MNS1: variants seen among roughly 807,000 people sequenced by gnomAD.
The protein encoded by MNS1 is meiosis-specific nuclear structural protein 1.
In MNS1, 63 loss-of-function variants were observed where a neutral mutation model predicts 72.0. That is an observed-to-expected ratio of 0.87 (90% CI 0.71 to 1.08). The LOEUF (loss-of-function observed/expected upper bound fraction) is 1.08. Among genes scored for constraint, MNS1 ranks in the 50% least tolerant of loss-of-function variants. MNS1 has a pLI of 0.00. For missense variants in MNS1, 604 were observed against 562.4 expected (o/e 1.07, Z -0.75); for synonymous variants, 188 against 172.1 (o/e 1.09, Z -0.72).
At chr15:56,462,940 A>G (rs2051032559) in intron 2 of MNS1, among the ~76,000 whole-genome samples, 1 of 152,032 alleles carries the variant, frequency 6.6e-6, no homozygotes. Flanking sequence ...AACCCCTAAG[A>G]TGTGCTTTCT....
rs138771225 is a variant in MNS1 at position 56,464,838 on chromosome 15, C to G, written c.3+132G>C. ...CCCTTCTAATAGCACCTGAAGCCTC[C>G]GAAAGCAAATACAAGTTCCCCAATT... On this transcript the variant is annotated intron_variant, in intron 1 of 9. Coordinates refer to ENST00000260453, the MANE Select transcript of MNS1 (RefSeq NM_018365.4). 178 of 1,349,162 alleles carry G rather than the reference C, an allele frequency of 1.3e-4. No individual in the cohort carries two copies. The African/African-American group carries it at 1.4e-3, about 11-fold the overall frequency. The allele number at this position is 1,349,162 out of a possible 1,614,324, so 83.6% of individuals were successfully genotyped here.
chr15:56,459,696 A>C (rs1386959957), intron 2 of MNS1, among the ~76,000 whole-genome samples: 2 of 152,030 alleles, frequency 1.3e-5, no homozygotes, highest in African/African-American at 4.8e-5. Flanking sequence ...AGAAGAAACA[A>C]TGACTGGCTG....
Position 56,444,524 on chromosome 15 carries a change from CTT to C in MNS1, c.604_605del (p.Lys202AlafsTer5). 2 of 1,511,574 alleles carry C rather than the reference CTT, an allele frequency of 1.3e-6. No individual in the cohort carries two copies. The highest frequency in any genetic ancestry group is 9.0e-7 in the Non-Finnish European group (1 of 1,105,128). 93.6% of individuals were successfully genotyped at this position (1,511,574 alleles called of 1,614,324 possible). On this transcript the variant is annotated frameshift_variant, in exon 5 of 10. Coordinates refer to ENST00000260453, the MANE Select transcript of MNS1 (RefSeq NM_018365.4). LOFTEE classifies it high-confidence loss of function. Reference protein sequence around the residue: ...EKQLEEQEKKKQEAYEQLLKE... With the variant: ...EKQLEEQEKKXQEAYEQLLKE... ...TTAGCAGCTGCTCATAAGCTTCCTG[CTT>C]TTTTTTTTCTTGTTCTTCAAGTTGT...
At chr15:56,433,175 G>A (rs12910210) in intron 8 of MNS1, among the ~76,000 whole-genome samples, 6 of 147,690 alleles carry the variant, frequency 4.1e-5, no homozygotes, top group African/African-American at 1.5e-4. Flanking sequence ...CTTTCCTTAG[G>A]ATGTCACCCA....
chr15:56,464,690 A>C (rs184702380), intron 1 of MNS1, among the ~76,000 whole-genome samples: 1 of 152,180 alleles, frequency 6.6e-6, no homozygotes, highest in Non-Finnish European at 1.5e-5. Flanking sequence ...CTATTTATCA[A>C]TTCGCTTTCT....
At position 56,464,690 on chromosome 15, in the gene MNS1, A is replaced by G. The variant is rs184702380; in HGVS notation, c.3+280T>C. Among the ~76,000 whole-genome samples the G allele has an allele frequency of 1.1e-3, 168 of 152,298 alleles. 1 individual carries two copies. The highest frequency in any genetic ancestry group is 1.7e-3 in the Non-Finnish European group (113 of 68,030). ...TAGGTCAATTCGCCGCTATTTATCA[A>G]TTCGCTTTCTCCTACACTTTTATAT... On this transcript the variant is annotated intron_variant, in intron 1 of 9. Coordinates refer to ENST00000260453, the MANE Select transcript of MNS1 (RefSeq NM_018365.4).
chr15:56,463,930 G>C lies in MNS1; in HGVS notation c.225+96C>G, dbSNP rs1422196103. ...AATCAGGCATCACTTACCTGCTGCT[G>C]TTGTTTATCTACTCATTTCCAGCAT... is the stretch of plus-strand genomic sequence containing the variant. On this transcript the variant is annotated intron_variant, in intron 2 of 9. Coordinates refer to ENST00000260453, the MANE Select transcript of MNS1 (RefSeq NM_018365.4). 5.1e-6 allele frequency: 5 copies of C among 983,670 alleles called. No homozygotes were observed. The African/African-American group carries it at 8.2e-5, about 16-fold the overall frequency. The allele number at this position is 983,670 out of a possible 1,614,324, so 60.9% of individuals were successfully genotyped here.
chr15:56,442,824 A>G (rs2050841598), intron 7 of MNS1, among the ~76,000 whole-genome samples: 1 of 152,118 alleles, frequency 6.6e-6, no homozygotes, highest in South Asian at 2.1e-4. Context: ...ATGTTACACC[A>G]AATCCCCATG....
intron 9 of MNS1, among the ~76,000 whole-genome samples, chr15:56,430,831 G>T (rs2050570150): frequency 6.6e-6 from 1 of 152,114 alleles, no homozygotes; most frequent in South Asian, 2.1e-4. Context: ...TTGTTCTAGG[G>T]TAGCTTTAGA....
intron 3 of MNS1, among the ~76,000 whole-genome samples, chr15:56,455,352 C>G (rs910209963): frequency 2.0e-5 from 3 of 148,010 alleles, no homozygotes; most frequent in Non-Finnish European, 4.5e-5. Context: ...CAGATTTTAA[C>G]AGTAATTCTA....
chr15:56,458,929 G>C (rs1348249978), intron 2 of MNS1, among the ~76,000 whole-genome samples: 1 of 152,042 alleles, frequency 6.6e-6, no homozygotes, highest in Non-Finnish European at 1.5e-5. Flanking sequence ...TTGTGCTATG[G>C]CAGCTATAAA....
intron 7 of MNS1, among the ~76,000 whole-genome samples, chr15:56,434,817 T>C (rs1248061458): frequency 6.6e-6 from 1 of 152,056 alleles, no homozygotes; most frequent in African/African-American, 2.4e-5. Flanking sequence ...CTCCTCAAAA[T>C]CAAAGCTGCA....
intron 7 of MNS1, among the ~76,000 whole-genome samples, chr15:56,442,392 A>G (rs1020606127): frequency 6.6e-6 from 1 of 152,230 alleles, no homozygotes; most frequent in African/African-American, 2.4e-5. Flanking sequence ...TGCTGGGTAT[A>G]TACCCAAAGG....
At chr15:56,461,427 G>A (rs566342823) in intron 2 of MNS1, among the ~76,000 whole-genome samples, 1 of 152,062 alleles carries the variant, frequency 6.6e-6, no homozygotes, top group African/African-American at 2.4e-5. Flanking sequence ...TTGGGAGGCC[G>A]AGGCAGGCAG....
At chr15:56,464,822 T>C in intron 1 of MNS1, 148 bp downstream of exon 1, 1 of 1,121,866 alleles carries the variant, frequency 8.9e-7, no homozygotes, top group Non-Finnish European at 1.3e-6. Context: ...TCCCTTCTAA[T>C]AGCACCTGAA....
At chr15:56,453,502 T>G (rs2050961676) in intron 3 of MNS1, among the ~76,000 whole-genome samples, 1 of 152,168 alleles carries the variant, frequency 6.6e-6, no homozygotes, top group Non-Finnish European at 1.5e-5. Context: ...ATGGTAATAG[T>G]ATTAAGAAGG....
At position 56,434,288 on chromosome 15, in the gene MNS1, C is replaced by G; in HGVS notation, c.1119G>C (p.Glu373Asp). 1 of 1,613,890 alleles carries G rather than the reference C, an allele frequency of 6.2e-7. No homozygotes were observed. Among genetic ancestry groups the G allele is most frequent in the Non-Finnish European group, 8.5e-7 (1 of 1,179,912 alleles). ...LVLQAAKEEE[E>D]NFRKTMLAKF... ...TAGCTAGCATAGTTTTTCTAAAGTTCTCCTCTTCCTCTTTTGCAGCCTGTA... is the reference window on the plus strand; with the variant it reads ...TAGCTAGCATAGTTTTTCTAAAGTTGTCCTCTTCCTCTTTTGCAGCCTGTA... The change falls in exon 8 of 10, where the codon GAG (glutamate) becomes GAC (aspartate). Residue 373 changes from glutamate (E) to aspartate (D), a missense_variant. By Grantham distance (45) the Glu-to-Asp change is conservative (BLOSUM62 2). Transcript: ENST00000260453.
Position 56,428,973 on chromosome 15 carries a change from T to C in MNS1, c.*128A>G. Reference sequence around the variant, plus strand: ...TGATAATTGTTTACAAGTTATGAAATTCAGTGATGATTTACAAAATCCAAA... The same window carrying C: ...TGATAATTGTTTACAAGTTATGAAACTCAGTGATGATTTACAAAATCCAAA... On this transcript the variant is annotated 3_prime_UTR_variant, in exon 10 of 10. Coordinates refer to ENST00000260453, the MANE Select transcript of MNS1 (RefSeq NM_018365.4). The C allele has an allele frequency of 1.8e-6, 1 of 568,080 alleles. No homozygotes were observed. The highest frequency in any genetic ancestry group is 3.1e-6 in the Non-Finnish European group (1 of 327,528). 35.2% of individuals were successfully genotyped at this position (568,080 alleles called of 1,614,324 possible).
Position 56,431,377 on chromosome 15 carries a change from G to C in MNS1, c.1391C>G (p.Pro464Arg), listed in dbSNP as rs1455442200. 6.2e-7 allele frequency: 1 copy of C among 1,610,614 alleles called. No individual in the cohort carries two copies. Among genetic ancestry groups the C allele is most frequent in the African/African-American group, 1.3e-5 (1 of 74,704 alleles). Residue 464 changes from proline (P) to arginine (R), a missense_variant, in exon 9 of 10, where the codon CCT (proline) becomes CGT (arginine). By Grantham distance (103) the Pro-to-Arg change is moderately radical. Transcript: ENST00000260453. Reference protein sequence around the residue: ...EHATNLLGYLPKGVFKKEDDI... With the variant: ...EHATNLLGYLRKGVFKKEDDI... ...CTTGAGATAAATCTCACTTACTTTAGGGAGATAGCCTAGTAAGTTTGTAGC... is the reference window on the plus strand; with the variant it reads ...CTTGAGATAAATCTCACTTACTTTACGGAGATAGCCTAGTAAGTTTGTAGC...
Sources: gnomAD v4.1 joint callset for allele counts (sites outside exome capture counted in the v4.1 genomes callset) on GRCh38, gnomAD v4.1.1 for gene constraint, MANE v1.5 for transcripts, NCBI Gene and HGNC (gene_info 2026-07-23, HGNC 2026-07-21) for gene names.